DBF4B: variants seen among roughly 807,000 people sequenced by gnomAD.
DBF4B encodes DBF4B-CDC7 kinase regulatory subunit, also known as protein DBF4 homolog B.
In DBF4B, 49 loss-of-function variants were observed where a neutral mutation model predicts 53.4. The ratio of observed to expected loss-of-function variants is 0.92; its 90% CI spans 0.73 to 1.16. The LOEUF (loss-of-function observed/expected upper bound fraction) is 1.16, where lower values mean the gene tolerates loss of function less well. Ranked by LOEUF, DBF4B falls within the 50% of genes most tolerant of loss-of-function variation. DBF4B has a pLI of 0.00. For synonymous variants in DBF4B, 257 were observed against 288.7 expected, an observed-to-expected ratio of 0.89 and a Z score of 1.11; for missense variants, 692 against 775.0, an observed-to-expected ratio of 0.89 and a Z score of 1.27.
intron 2 of DBF4B, among the ~76,000 whole-genome samples, chr17:44,710,976 ATTTTTTTTTTTTT>A (rs10522434): frequency 7.1e-5 from 7 of 98,284 alleles, no homozygotes; most frequent in African/African-American, 1.0e-4. Flanking sequence ...TTCCAGTTTG[ATTTTTTTTTTTTT>A]TTTTTTTTTT....
chr17:44,751,370 C>T lies in DBF4B; in HGVS notation c.*117C>T. 1 of 1,450,616 alleles carries T rather than the reference C, an allele frequency of 6.9e-7. No homozygotes were observed. Among genetic ancestry groups the T allele is most frequent in the Non-Finnish European group, 9.0e-7 (1 of 1,106,718 alleles). The allele number at this position is 1,450,616 out of a possible 1,614,324, so 89.9% of individuals were successfully genotyped here. A position where few individuals can be genotyped will look rare whatever the true frequency, so the allele number is the denominator to read the frequency against. ...CTGCTCAGACTCCTTTCCACTCCAG[C>T]CCCCTTTCCACATCGCACCAGATGA... On this transcript the variant is annotated 3_prime_UTR_variant, in exon 14 of 14. Transcript: ENST00000315005.
chr17:44,743,024 A>G (rs1976235922), intron 10 of DBF4B, among the ~76,000 whole-genome samples: 1 of 152,332 alleles, frequency 6.6e-6, no homozygotes, highest in East Asian at 1.9e-4. Flanking sequence ...ATAGGAGGGA[A>G]AAAATTAAGG....
At chr17:44,729,683 T>TACACACACACACACACAC (rs71361592) in intron 3 of DBF4B, among the ~76,000 whole-genome samples, 6 of 138,178 alleles carry the variant, frequency 4.3e-5, no homozygotes, top group African/African-American at 1.4e-4. Context: ...GTAATACACA[T>TACACACACACACACACAC]ACACACACAC....
chr17:44,746,475 G>A (rs1976606510), intron 10 of DBF4B, among the ~76,000 whole-genome samples: 1 of 152,078 alleles, frequency 6.6e-6, no homozygotes, highest in African/African-American at 2.4e-5. Context: ...ATTCCTACAA[G>A]GGATTCTTGC....
chr17:44,720,880 A>C (rs1336488873), intron 2 of DBF4B, among the ~76,000 whole-genome samples: 1 of 150,066 alleles, frequency 6.7e-6, no homozygotes, highest in Non-Finnish European at 1.5e-5. Context: ...TTTTTTTTTA[A>C]GTCAATCTCG....
chr17:44,751,161 G>C lies in DBF4B; in HGVS notation c.1756G>C (p.Asp586His). 1 of 1,614,036 alleles carries C rather than the reference G, an allele frequency of 6.2e-7. No homozygotes were observed. The highest frequency in any genetic ancestry group is 8.5e-7 in the Non-Finnish European group (1 of 1,180,010). The change falls in exon 14 of 14, where the codon GAC (aspartate) becomes CAC (histidine). Residue 586 changes from aspartate to histidine, a missense_variant. Physicochemically the swap from Asp to His is moderately conservative, Grantham distance 81 (BLOSUM62 -1). Around this residue, in one of 3 missense-constraint regions of DBF4B, gnomAD observed 597 missense variants for 665.8 expected, o/e 0.90. Coordinates refer to ENST00000315005, the MANE Select transcript of DBF4B (RefSeq NM_145663.3). Reference protein sequence around the residue: ...LAFPSYLNDHDLGHLCQAKPQ... With the variant: ...LAFPSYLNDHHLGHLCQAKPQ... ...CTTCCCCTCCTATCTCAATGATCAT[G>C]ACCTTGGACATCTCTGCCAGGCCAA... is the stretch of plus-strand genomic sequence containing the variant.
At position 44,747,497 on chromosome 17, in the gene DBF4B, T is replaced by C; in HGVS notation, c.1046T>C (p.Phe349Ser). Residue 349 changes from phenylalanine to serine, a missense_variant, in exon 12 of 14, where the codon TTC becomes TCC. Physicochemically the swap from Phe to Ser is radical, Grantham distance 155 (BLOSUM62 -2). Coordinates refer to ENST00000315005, the MANE Select transcript of DBF4B (RefSeq NM_145663.3). The stretch of plus-strand genomic sequence containing the variant: ...AGCCACAGCTTTGCAGACATCCCTT[T>C]CCAGGCTGGCCTCCCCAGGTGAGTG... ...QLSHSFADIPFQAGLPRWSGS... is the reference protein window; with the variant it reads ...QLSHSFADIPSQAGLPRWSGS... The C allele has an allele frequency of 6.2e-6, 10 of 1,613,980 alleles. No homozygotes were observed. Among genetic ancestry groups the C allele is most frequent in the Non-Finnish European group, 8.5e-6 (10 of 1,180,014 alleles).
chr17:44,750,034 G>C (rs916865145), intron 13 of DBF4B: 3 of 1,000,394 alleles, frequency 3.0e-6, no homozygotes, highest in East Asian at 1.1e-4. Context: ...TGTGGCCAGA[G>C]CCCCCTCTGG....
intron 2 of DBF4B, 53 bp downstream of exon 2, chr17:44,709,419 C>G (rs1175576727): frequency 3.8e-6 from 6 of 1,597,242 alleles, no homozygotes; most frequent in Non-Finnish European, 5.1e-6. Flanking sequence ...CCCAGGGTCT[C>G]TTGGAGAAGA....
chr17:44,722,926 C>T lies in DBF4B; in HGVS notation c.129C>T (p.Ala43=). The T allele has an allele frequency of 6.2e-7, 1 of 1,614,176 alleles. No homozygotes were observed. Residue 43 remains alanine, a synonymous_variant, in exon 3 of 14, where the codon GCC becomes GCT. Transcript: ENST00000315005. The part of the protein sequence containing the change: ...LGKCQKNSPG[A]RKHPFSGKSF... ...AATGCCAGAAGAACTCACCAGGTGCCAGGAAGCATCCCTTTTCCGGAAAGT... is the reference window on the plus strand; with the variant it reads ...AATGCCAGAAGAACTCACCAGGTGCTAGGAAGCATCCCTTTTCCGGAAAGT...
In DBF4B at chr17:44,736,851, T is replaced by C. The variant is rs780326795; in HGVS notation, c.652T>C (p.Ser218Pro). 6.2e-7 allele frequency: 1 copy of C among 1,613,974 alleles called. No homozygotes were observed. Among genetic ancestry groups the C allele is most frequent in the East Asian group, 2.2e-5 (1 of 44,876 alleles). The change falls in exon 8 of 14, where the codon TCA (serine) becomes CCA (proline). Residue 218 changes from serine to proline, a missense_variant. Coordinates refer to ENST00000315005, the MANE Select transcript of DBF4B (RefSeq NM_145663.3). ...TTAGGGAACATGTCCAGCAGCAGAG[T>C]CAAGAACACGGAAAGGTCAGTGTGG... is the stretch of plus-strand genomic sequence containing the variant. ...KPEGTCPAAE[S>P]RTRKVARLKA... is the part of the protein sequence containing the mutation.
At chr17:44,712,889 T>C (rs1973004162) in intron 2 of DBF4B, among the ~76,000 whole-genome samples, 2 of 151,924 alleles carry the variant, frequency 1.3e-5, no homozygotes, top group African/African-American at 4.8e-5. Context: ...TTGAATTATA[T>C]CTATTGACTG....
intron 2 of DBF4B, among the ~76,000 whole-genome samples, chr17:44,710,080 G>A (rs1972728777): frequency 6.6e-6 from 1 of 151,978 alleles, no homozygotes; most frequent in South Asian, 2.1e-4. Flanking sequence ...GGCTGAGGCA[G>A]GAAAATTGAT....
intron 3 of DBF4B, among the ~76,000 whole-genome samples, chr17:44,727,864 A>ATTTTTTTTTTTTT (rs756222247): frequency 1.0e-4 from 11 of 106,728 alleles, no homozygotes; most frequent in East Asian, 2.5e-4. Context: ...TGCCCGGGTA[A>ATTTTTTTTTTTTT]TTTTTTTTTT....
In DBF4B at chr17:44,732,112, CT is replaced by C. The variant is rs141871454; in HGVS notation, c.469-65del. The C allele has an allele frequency of 6.0e-4, 923 of 1,537,240 alleles. 5 individuals are homozygous for C. In the African/African-American group the frequency reaches 0.011, roughly 18 times the overall value. ...CAGGCCTCCCAGAAGCAATTTCTAT[CT>C]GTCCCCTTCACTTTCAGGCCTTGGG... On this transcript the variant is annotated intron_variant, in intron 5 of 13. Coordinates refer to ENST00000315005, the MANE Select transcript of DBF4B (RefSeq NM_145663.3).
intron 2 of DBF4B, among the ~76,000 whole-genome samples, chr17:44,713,034 CT>C (rs979925867): frequency 0.046 from 4,817 of 103,864 alleles, 22 homozygotes; most frequent in African/African-American, 0.069. Flanking sequence ...TTTGTATTGA[CT>C]TTTTTTTTTT....
chr17:44,735,055 G>A (rs911979155), intron 7 of DBF4B, among the ~76,000 whole-genome samples: 2 of 151,938 alleles, frequency 1.3e-5, no homozygotes, highest in African/African-American at 2.4e-5. Context: ...AGTCATGATC[G>A]CACCACTGCA....
chr17:44,736,876 G>A lies in DBF4B; in HGVS notation c.667+10G>A. 1 of 1,613,750 alleles carries A rather than the reference G, an allele frequency of 6.2e-7. No homozygotes were observed. Among genetic ancestry groups the A allele is most frequent in the South Asian group, 1.1e-5 (1 of 90,992 alleles). ...TCAAGAACACGGAAAGGTCAGTGTG[G>A]TAGCTTTTCCTCATCTAATTGCAAT... On this transcript the variant is annotated intron_variant, in intron 8 of 13. Coordinates refer to ENST00000315005, the MANE Select transcript of DBF4B (RefSeq NM_145663.3).
chr17:44,736,688 G>A (rs1033398257), intron 7 of DBF4B, 142 bp from the exon 8 acceptor site: 1 of 835,050 alleles, frequency 1.2e-6, no homozygotes, highest in African/African-American at 1.7e-5. Context: ...CTCCAGCTCA[G>A]GGCCTGAGAG....
Sources: allele counts gnomAD v4.1 joint callset (sites outside exome capture counted in the v4.1 genomes callset), GRCh38; gene constraint gnomAD v4.1.1; regional missense constraint gnomAD v4.1.1; transcripts MANE v1.5; gene names NCBI Gene and HGNC (gene_info 2026-07-23, HGNC 2026-07-21).